SOX6: variants seen among roughly 807,000 people sequenced by gnomAD.
The protein encoded by SOX6 is SRY-box transcription factor 6, also known as transcription factor SOX-6.
Under a neutral mutation model 97.8 loss-of-function variants are expected in SOX6, and 11 were observed. The observed-to-expected ratio is 0.11, with a 90% confidence interval of 0.07 to 0.19. The LOEUF is 0.19. Among genes scored for constraint, SOX6 ranks in the 10% least tolerant of loss-of-function variants. The probability of loss-of-function intolerance (pLI) is 1.00; values close to 1 mark genes in which losing one functional copy is unlikely to be tolerated. For missense variants in SOX6, 810 were observed against 1,039.5 expected (o/e 0.78, Z 3.04); for synonymous variants, 360 against 371.4 (o/e 0.97, Z 0.35).
At chr11:16,185,992 A>T (rs903945029) in intron 5 of SOX6, among the ~76,000 whole-genome samples, 2 of 152,170 alleles carry the variant, frequency 1.3e-5, no homozygotes, top group East Asian at 1.9e-4. Context: ...ATTAATTTAG[A>T]TCTGTCTGAT....
chr11:16,065,164 C>T (rs1201256302), intron 9 of SOX6, among the ~76,000 whole-genome samples: 1 of 151,960 alleles, frequency 6.6e-6, no homozygotes, highest in African/African-American at 2.4e-5. Flanking sequence ...ATACGTTCAG[C>T]AAAGTTGCAG....
chr11:16,066,195 C>G (rs1306790986), intron 9 of SOX6, among the ~76,000 whole-genome samples: 1 of 152,108 alleles, frequency 6.6e-6, no homozygotes, highest in Non-Finnish European at 1.5e-5. Context: ...AAATGTAAAT[C>G]AAAACTACAA....
At chr11:16,331,576 A>C (rs1009617079) in intron 2 of SOX6, among the ~76,000 whole-genome samples, 2 of 152,210 alleles carry the variant, frequency 1.3e-5, no homozygotes, top group Non-Finnish European at 2.9e-5. Flanking sequence ...GAAACTCTTT[A>C]TAATTCAGAA....
chr11:16,122,695 A>G (rs944940116), intron 6 of SOX6, among the ~76,000 whole-genome samples: 10 of 152,054 alleles, frequency 6.6e-5, no homozygotes, highest in African/African-American at 2.4e-4. Flanking sequence ...CCTTGTTAAA[A>G]TTATGCACAA....
At chr11:16,588,172 G>T (rs1485894083) in intron 4 of SOX6, among the ~76,000 whole-genome samples, 2 of 152,132 alleles carry the variant, frequency 1.3e-5, no homozygotes, top group African/African-American at 4.8e-5. Context: ...ACTTTAGAAG[G>T]CACAGTGGAC....
At chr11:16,186,691 A>G in intron 5 of SOX6, 92 bp downstream of exon 5, 1 of 1,358,152 alleles carries the variant, frequency 7.4e-7, no homozygotes, top group Non-Finnish European at 1.0e-6. Flanking sequence ...TTTTTAGGAA[A>G]GCTTACAACA....
chr11:16,292,434 G>T (rs191925020), intron 3 of SOX6, among the ~76,000 whole-genome samples: 9 of 152,098 alleles, frequency 5.9e-5, no homozygotes, highest in Admixed American at 5.9e-4. Context: ...AGAATCCAAA[G>T]AAAAGTGAGG....
chr11:16,240,594 C>A (rs1853166192), intron 3 of SOX6, among the ~76,000 whole-genome samples: 1 of 151,858 alleles, frequency 6.6e-6, no homozygotes, highest in Admixed American at 6.6e-5. Context: ...TATCTGCTTT[C>A]CAAGGCTGCC....
intron 1 of SOX6, among the ~76,000 whole-genome samples, chr11:16,423,323 C>G (rs1761760469): frequency 6.6e-6 from 1 of 152,116 alleles, no homozygotes; most frequent in African/African-American, 2.4e-5. Flanking sequence ...TCAGAGAAGC[C>G]TTCTCTGACA....
chr11:16,385,983 T>C (rs2134417176), intron 1 of SOX6, among the ~76,000 whole-genome samples: 1 of 152,342 alleles, frequency 6.6e-6, no homozygotes, highest in East Asian at 1.9e-4. Flanking sequence ...TTCAGAGGTC[T>C]GTGGTATCTG....
At chr11:16,598,862 T>C (rs1848239795) in intron 4 of SOX6, among the ~76,000 whole-genome samples, 1 of 149,408 alleles carries the variant, frequency 6.7e-6, no homozygotes, top group Non-Finnish European at 1.5e-5. Flanking sequence ...AATTCGTCTC[T>C]TTAAGATGAC....
chr11:16,470,255 T>C (rs933305819), intron 1 of SOX6, among the ~76,000 whole-genome samples: 1 of 152,136 alleles, frequency 6.6e-6, no homozygotes, highest in African/African-American at 2.4e-5. Context: ...ATCTTTTTTA[T>C]TTACCTGCTC....
intron 4 of SOX6, among the ~76,000 whole-genome samples, chr11:16,540,099 GCA>G (rs527771235): frequency 2.2e-4 from 33 of 152,234 alleles, no homozygotes; most frequent in Middle Eastern, 3.4e-3. Flanking sequence ...GAATCCAGCA[GCA>G]CATGAAAAAG....
intron 1 of SOX6, among the ~76,000 whole-genome samples, chr11:16,392,085 G>T (rs149981116): frequency 1.3e-5 from 2 of 151,950 alleles, no homozygotes; most frequent in African/African-American, 2.4e-5. Context: ...AATGAAAAAA[G>T]CATGTAAAGT....
At chr11:15,994,721 T>C (rs749894032) in intron 13 of SOX6, among the ~76,000 whole-genome samples, 5 of 152,148 alleles carry the variant, frequency 3.3e-5, no homozygotes, top group Admixed American at 6.5e-5. Flanking sequence ...TTTTGTCAGA[T>C]AGAATTAATG....
At chr11:16,556,745 A>G (rs1847753010) in intron 4 of SOX6, among the ~76,000 whole-genome samples, 1 of 151,718 alleles carries the variant, frequency 6.6e-6, no homozygotes, top group Non-Finnish European at 1.5e-5. Context: ...TTGTTCTTGC[A>G]CTTTGTTCTA....
intron 3 of SOX6, among the ~76,000 whole-genome samples, chr11:16,270,654 A>C (rs67055865): frequency 9.4e-5 from 14 of 149,314 alleles, no homozygotes; most frequent in Middle Eastern, 3.5e-3. Flanking sequence ...CACACACACA[A>C]ACACACACAC....
intron 4 of SOX6, among the ~76,000 whole-genome samples, chr11:16,564,107 A>C (rs1847843123): frequency 6.6e-6 from 1 of 152,206 alleles, no homozygotes; most frequent in Non-Finnish European, 1.5e-5. Flanking sequence ...AAAATGACTA[A>C]AGGAAGTTCT....
At chr11:16,486,959 A>C (rs899355145) in intron 4 of SOX6, among the ~76,000 whole-genome samples, 1 of 152,108 alleles carries the variant, frequency 6.6e-6, no homozygotes, top group African/African-American at 2.4e-5. Flanking sequence ...CAAACCAATC[A>C]ATTCTATGAT....
Sources: allele counts gnomAD v4.1 joint callset (sites outside exome capture counted in the v4.1 genomes callset), GRCh38; gene constraint gnomAD v4.1.1; transcripts MANE v1.5; gene names NCBI Gene and HGNC (gene_info 2026-07-23, HGNC 2026-07-21).